Variants in PATJ observed in about 807,000 individuals in gnomAD.
PATJ encodes the protein inaD-like protein.
PATJ carries 190 observed loss-of-function variants against 224.9 expected under a neutral mutation model. The ratio of observed to expected loss-of-function variants is 0.84; its 90% CI spans 0.75 to 0.95. PATJ has a LOEUF of 0.95. Among genes scored for constraint, PATJ ranks in the 40% least tolerant of loss-of-function variants. The probability of loss-of-function intolerance (pLI) is 0.00; values close to 1 mark genes in which losing one functional copy is unlikely to be tolerated. For missense variants in PATJ, 2,121 were observed against 2,270.3 expected (o/e 0.93, Z 1.34); for synonymous variants, 769 against 820.3 (o/e 0.94, Z 1.07).
intron 34 of PATJ, among the ~76,000 whole-genome samples, chr1:62,111,211 T>C (rs1316800416): frequency 6.6e-6 from 1 of 152,190 alleles, no homozygotes; most frequent in Non-Finnish European, 1.5e-5. Flanking sequence ...CTTCAACCCA[T>C]AGAGGTAACT....
chr1:61,959,425 A>ATTTTTTTCT (rs1557944867), intron 27 of PATJ, among the ~76,000 whole-genome samples: 8 of 61,130 alleles, frequency 1.3e-4, no homozygotes, highest in African/African-American at 2.7e-4. Context: ...TATATAATAT[A>ATTTTTTTCT]TTTTTTTTCT....
Position 61,907,798 on chromosome 1 carries a change from A to T in PATJ, c.3382-574A>T, listed in dbSNP as rs145881153. Among the ~76,000 whole-genome samples the T allele has an allele frequency of 3.5e-3, 535 of 152,338 alleles. 3 individuals are homozygous for T. The highest frequency in any genetic ancestry group is 0.012 in the African/African-American group (508 of 41,582). ...AGATTTATGGGCATGTTAGCAAGTTATGTTCTCTGAAATTTTCTATAATAA... is the reference window on the plus strand; with the variant it reads ...AGATTTATGGGCATGTTAGCAAGTTTTGTTCTCTGAAATTTTCTATAATAA... On this transcript the variant is annotated intron_variant, in intron 24 of 43. Coordinates refer to ENST00000642238, the MANE Select transcript of PATJ (RefSeq NM_001350145.3).
In PATJ at chr1:61,885,336, A is replaced by G. The variant is rs557871837; in HGVS notation, c.3131+928A>G. Among the ~76,000 whole-genome samples, 709 of 152,308 alleles carry G rather than the reference A, an allele frequency of 4.7e-3. 2 individuals are homozygous for G. The highest frequency in any genetic ancestry group is 7.4e-3 in the Non-Finnish European group (501 of 68,024). ...TGAACTCAAACAAATTTACAAGAAA[A>G]ACACAAACAACCCCATCAAAAAGTG... On this transcript the variant is annotated intron_variant, in intron 22 of 43. Coordinates refer to ENST00000642238, the MANE Select transcript of PATJ (RefSeq NM_001350145.3).
At chr1:61,903,242 G>A (rs1298316725) in intron 24 of PATJ, among the ~76,000 whole-genome samples, 1 of 152,186 alleles carries the variant, frequency 6.6e-6, no homozygotes, top group Non-Finnish European at 1.5e-5. Flanking sequence ...AAAGAATGGC[G>A]GCCTGGACCA....
At chr1:61,800,753 C>T (rs1468336033) in intron 11 of PATJ, among the ~76,000 whole-genome samples, 1 of 152,036 alleles carries the variant, frequency 6.6e-6, no homozygotes, top group African/African-American at 2.4e-5. Context: ...CAACAGGCCC[C>T]GGTGTGTGAT....
At chr1:61,868,323 C>G (rs1401360575) in intron 20 of PATJ, among the ~76,000 whole-genome samples, 1 of 152,190 alleles carries the variant, frequency 6.6e-6, no homozygotes, top group Admixed American at 6.5e-5. Context: ...CTCTCTATCC[C>G]CTGCCAACCA....
chr1:61,993,818 C>G (rs954590905), intron 28 of PATJ, among the ~76,000 whole-genome samples: 1 of 152,202 alleles, frequency 6.6e-6, no homozygotes, highest in African/African-American at 2.4e-5. Flanking sequence ...CAGACTTCCA[C>G]TCCCTTAGAA....
intron 10 of PATJ, 37 bp downstream of exon 10, chr1:61,795,595 T>G (rs183865008): frequency 7.8e-7 from 1 of 1,284,864 alleles, no homozygotes; most frequent in East Asian, 2.3e-5. Flanking sequence ...TTGATTCTAG[T>G]TGAAAAAAAG....
chr1:62,052,031 C>T (rs2476180), intron 31 of PATJ, among the ~76,000 whole-genome samples: 54,503 of 151,954 alleles, frequency 0.36, 10,438 homozygotes, highest in Middle Eastern at 0.49. Flanking sequence ...CATGCCTTGG[C>T]TCATCATCTG....
chr1:61,931,813 A>G (rs1430807119), intron 27 of PATJ, among the ~76,000 whole-genome samples: 1 of 152,210 alleles, frequency 6.6e-6, no homozygotes, highest in Non-Finnish European at 1.5e-5. Context: ...GATCTGGCTC[A>G]TGTAGTCATC....
chr1:61,813,360 T>TAC (rs1557690234), intron 14 of PATJ, among the ~76,000 whole-genome samples: 4 of 54,040 alleles, frequency 7.4e-5, no homozygotes, highest in African/African-American at 1.5e-4. Context: ...TATATATATA[T>TAC]ATATATATAT....
intron 22 of PATJ, among the ~76,000 whole-genome samples, chr1:61,889,555 TA>T (rs1480872692): frequency 6.6e-6 from 1 of 152,202 alleles, no homozygotes; most frequent in African/African-American, 2.4e-5. Flanking sequence ...GTTTAATTTA[TA>T]AATTACGTAC....
intron 27 of PATJ, among the ~76,000 whole-genome samples, chr1:61,935,564 G>A (rs903390879): frequency 1.3e-5 from 2 of 152,146 alleles, no homozygotes; most frequent in Admixed American, 6.6e-5. Flanking sequence ...AGGCCAAGGC[G>A]AGTGGGTTGC....
At chr1:61,988,603 A>G (rs1253278047) in intron 27 of PATJ, among the ~76,000 whole-genome samples, 1 of 152,226 alleles carries the variant, frequency 6.6e-6, no homozygotes, top group African/African-American at 2.4e-5. Context: ...CATTATTATT[A>G]GTAACAAGCT....
chr1:61,985,026 G>GT (rs1218429792), intron 27 of PATJ, among the ~76,000 whole-genome samples: 13 of 152,124 alleles, frequency 8.5e-5, no homozygotes, highest in Non-Finnish European at 1.6e-4. Flanking sequence ...ATAGCTGCTG[G>GT]TTTTGGCCAG....
rs114017022 is a variant in PATJ, at chr1:62,076,801, G to A, written c.4126-2649G>A. ...GTGATTTTTCATAAAAGAACTCTGC[G>A]GCTTGCACCCAGCTTTGTTGGGAAT... On this transcript the variant is annotated intron_variant, in intron 31 of 43. Coordinates refer to ENST00000642238, the MANE Select transcript of PATJ (RefSeq NM_001350145.3). Among the ~76,000 whole-genome samples, 1,341 of 152,142 alleles carry A rather than the reference G, an allele frequency of 8.8e-3. 21 individuals carry two copies. Among genetic ancestry groups the A allele is most frequent in the African/African-American group, 0.031 (1,270 of 41,518 alleles).
At chr1:62,047,592 C>T (rs1269848838) in intron 30 of PATJ, among the ~76,000 whole-genome samples, 1 of 152,150 alleles carries the variant, frequency 6.6e-6, no homozygotes, top group Non-Finnish European at 1.5e-5. Flanking sequence ...ACCGTAACCT[C>T]GCCAGGCCTT....
In PATJ at chr1:61,771,453, G is replaced by T; in HGVS notation, c.547G>T (p.Asp183Tyr). ...ADRDQRLKENDQILAINHTPL... is the reference protein window; with the variant it reads ...ADRDQRLKENYQILAINHTPL... Reference sequence around the variant, plus strand: ...AAGGGATCAAAGATTAAAGGAAAATGATCAAATATTGGCCATTAATCACAC... The same window carrying T: ...AAGGGATCAAAGATTAAAGGAAAATTATCAAATATTGGCCATTAATCACAC... The change falls in exon 6 of 44, where the codon GAT becomes TAT. Residue 183 changes from aspartate to tyrosine, a missense_variant. Asp to Tyr is a radical substitution (Grantham distance 160). Coordinates refer to ENST00000642238, the MANE Select transcript of PATJ (RefSeq NM_001350145.3). 1 of 1,593,476 alleles carries T rather than the reference G, an allele frequency of 6.3e-7. No homozygotes were observed. Among genetic ancestry groups the T allele is most frequent in the Non-Finnish European group, 8.5e-7 (1 of 1,172,598 alleles).
At chr1:62,140,119 C>T (rs1570775441) in intron 41 of PATJ, among the ~76,000 whole-genome samples, 1 of 152,124 alleles carries the variant, frequency 6.6e-6, no homozygotes, top group Admixed American at 6.6e-5. Context: ...AAAGACCAAG[C>T]TGTCAGTGAA....
Sources: gnomAD v4.1 joint callset for allele counts (sites outside exome capture counted in the v4.1 genomes callset) on GRCh38, gnomAD v4.1.1 for gene constraint, MANE v1.5 for transcripts, NCBI Gene and HGNC (gene_info 2026-07-23, HGNC 2026-07-21) for gene names.